ANKRD62: variants seen among roughly 807,000 people sequenced by gnomAD.
ANKRD62 encodes ankyrin repeat domain 62, also known as ankyrin repeat domain-containing protein 62.
ANKRD62 carries 61 observed loss-of-function variants against 98.8 expected under a neutral mutation model. The ratio of observed to expected loss-of-function variants is 0.62; its 90% confidence interval spans 0.50 to 0.76. The LOEUF (loss-of-function observed/expected upper bound fraction) is 0.76. Among genes scored for constraint, ANKRD62 ranks in the 30% least tolerant of loss-of-function variants. The pLI, the probability that ANKRD62 is intolerant of heterozygous loss-of-function variation, is 0.00. For missense variants in ANKRD62, 933 were observed against 1,082.9 expected (o/e 0.86, Z 1.94); for synonymous variants, 341 against 367.9 (o/e 0.93, Z 0.84).
chr18:12,094,245 A>G lies in ANKRD62; in HGVS notation c.218+10A>G, dbSNP rs1188719207. The G allele has an allele frequency of 7.9e-6, 12 of 1,518,452 alleles. No homozygotes were observed. Among genetic ancestry groups the G allele is most frequent in the Non-Finnish European group, 1.1e-5 (12 of 1,142,482 alleles). 94.1% of individuals were successfully genotyped at this position (1,518,452 alleles called of 1,614,324 possible). On this transcript the variant is annotated intron_variant, in intron 1 of 13. Transcript: ENST00000587848. ...GGGACAAGAAGAACAGGTAAGGGGAACAGGAAGCCGGGAGGAGGCCTGGGG... is the reference window on the plus strand; with the variant it reads ...GGGACAAGAAGAACAGGTAAGGGGAGCAGGAAGCCGGGAGGAGGCCTGGGG...
chr18:12,133,593 T>A (rs1241086922), downstream of ANKRD62, among the ~76,000 whole-genome samples: 2 of 152,198 alleles, frequency 1.3e-5, no homozygotes, highest in Non-Finnish European at 2.9e-5. Context: ...TGTGAAGTGG[T>A]ACCTCATTGT....
the ANKRD62 span, among the ~76,000 whole-genome samples, chr18:12,173,251 T>C: frequency 1.3e-5 from 2 of 152,222 alleles, no homozygotes; most frequent in Non-Finnish European, 2.9e-5. Flanking sequence ...GCCAACAATG[T>C]CTTTTTGTCC....
Position 12,122,292 on chromosome 18 carries a change from C to G in ANKRD62, c.1241-11C>G. The G allele has an allele frequency of 1.3e-6, 2 of 1,526,220 alleles. No individual in the cohort carries two copies. The highest frequency in any genetic ancestry group is 1.7e-6 in the Non-Finnish European group (2 of 1,143,924). The allele number at this position is 1,526,220 out of a possible 1,614,324, so 94.5% of individuals were successfully genotyped here. Reference sequence around the variant, plus strand: ...GTATTTTATCTCTATTTTGTCTTCTCCTGGTAACAGATTTTGTTAGCCTAT... The same window carrying G: ...GTATTTTATCTCTATTTTGTCTTCTGCTGGTAACAGATTTTGTTAGCCTAT... On this transcript the variant is annotated splice_polypyrimidine_tract_variant and intron_variant, in intron 10 of 13. Transcript: ENST00000587848.
At chr18:12,153,994 A>G in the ANKRD62 span, among the ~76,000 whole-genome samples, 1 of 152,252 alleles carries the variant, frequency 6.6e-6, no homozygotes, top group Non-Finnish European at 1.5e-5. Context: ...ACCAAAAACT[A>G]TAAAAATCCC....
At chr18:12,122,226 T>C in intron 10 of ANKRD62, 77 bp from the exon 11 acceptor site, 3 of 1,071,382 alleles carry the variant, frequency 2.8e-6, no homozygotes, top group Non-Finnish European at 4.0e-6. Flanking sequence ...ATGAGTGCCA[T>C]GTTGAAATGC....
chr18:12,115,539 G>T lies in ANKRD62; in HGVS notation c.1240+5G>T. ...AAAGTGGAATGGAGTGTAAAGGTAG[G>T]ACCAATGCATAAATATAAGGCTCTT... is the stretch of plus-strand genomic sequence containing the variant. On this transcript the variant is annotated splice_donor_5th_base_variant and intron_variant, in intron 10 of 13. Transcript: ENST00000587848. 6.5e-7 allele frequency: 1 copy of T among 1,532,136 alleles called. No individual in the cohort carries two copies. The highest frequency in any genetic ancestry group is 2.5e-5 in the East Asian group (1 of 40,740). The allele number at this position is 1,532,136 out of a possible 1,614,324, so 94.9% of individuals were successfully genotyped here.
intron 6 of ANKRD62, among the ~76,000 whole-genome samples, chr18:12,101,115 G>T (rs966353475): frequency 6.6e-6 from 1 of 152,046 alleles, no homozygotes; most frequent in African/African-American, 2.4e-5. Context: ...ATCATGATTT[G>T]CTATTCTTAA....
At position 12,112,794 on chromosome 18, in the gene ANKRD62, C is replaced by T. The variant is rs1055783052; in HGVS notation, c.1065-2294C>T. The stretch of plus-strand genomic sequence containing the variant: ...AACAGACGACCTCCACAAGGGAAGA[C>T]GTTTTGCAAACTATGCATCTGGCAA... On this transcript the variant is annotated intron_variant, in intron 8 of 13. Coordinates refer to ENST00000587848, the MANE Select transcript of ANKRD62 (RefSeq NM_001277333.2). 3.3e-5 allele frequency among the ~76,000 whole-genome samples: 5 copies of T among 152,194 alleles called. No individual in the cohort carries two copies. In the South Asian group the frequency reaches 6.2e-4, roughly 19 times the overall value.
rs1909437319 is a variant in ANKRD62, at chr18:12,107,377, A to G, written c.974A>G (p.Asn325Ser). ...NVHADDSDNY[N>S]DDVDELIHKI... ...CATGCTGATGACAGTGACAATTATAATGATGATGTTGATGAATTAATTCAC... is the reference window on the plus strand; with the variant it reads ...CATGCTGATGACAGTGACAATTATAGTGATGATGTTGATGAATTAATTCAC... Residue 325 changes from asparagine to serine, a missense_variant, in exon 8 of 14, where the codon AAT becomes AGT. By Grantham distance (46) the Asn-to-Ser change is conservative (BLOSUM62 1). Transcript: ENST00000587848. 6.6e-7 allele frequency: 1 copy of G among 1,526,324 alleles called. No individual in the cohort carries two copies. The highest frequency in any genetic ancestry group is 8.8e-7 in the Non-Finnish European group (1 of 1,142,454). 94.5% of individuals were successfully genotyped at this position (1,526,324 alleles called of 1,614,324 possible). A position where few individuals can be genotyped will look rare whatever the true frequency, so the allele number is the denominator to read the frequency against.
chr18:12,102,501 C>A, intron 6 of ANKRD62: 1 of 390,342 alleles, frequency 2.6e-6, no homozygotes, highest in South Asian at 2.4e-5. Context: ...GGTCATCCAC[C>A]AACCCCCACT....
chr18:12,118,185 A>G (rs1402242403), intron 10 of ANKRD62, among the ~76,000 whole-genome samples: 2 of 152,180 alleles, frequency 1.3e-5, no homozygotes, highest in East Asian at 1.9e-4. Flanking sequence ...TCACCTCCCT[A>G]AAAATCCTCA....
the ANKRD62 span, among the ~76,000 whole-genome samples, chr18:12,137,361 C>G: frequency 6.6e-6 from 1 of 152,116 alleles, no homozygotes. Context: ...TATTGATTTT[C>G]ATATGTTGAA....
chr18:12,168,163 C>T, the ANKRD62 span, among the ~76,000 whole-genome samples: 4 of 152,148 alleles, frequency 2.6e-5, no homozygotes, highest in African/African-American at 9.7e-5. Context: ...TCAATTTTGG[C>T]TTTTGTTGCC....
intron 8 of ANKRD62, among the ~76,000 whole-genome samples, chr18:12,108,597 C>A (rs1272724641): frequency 6.6e-6 from 1 of 152,160 alleles, no homozygotes; most frequent in Non-Finnish European, 1.5e-5. Context: ...ATGTCCTTTT[C>A]ACATTTCAAA....
intron 10 of ANKRD62, among the ~76,000 whole-genome samples, chr18:12,116,866 A>G (rs1002250572): frequency 6.6e-6 from 1 of 152,202 alleles, no homozygotes; most frequent in Admixed American, 6.5e-5. Flanking sequence ...ACTTCTTAAC[A>G]ATAATGAATC....
At chr18:12,137,914 C>A in the ANKRD62 span, among the ~76,000 whole-genome samples, 1 of 151,984 alleles carries the variant, frequency 6.6e-6, no homozygotes, top group African/African-American at 2.4e-5. Flanking sequence ...TTTTTTATTG[C>A]ATCTATTTGA....
the ANKRD62 span, among the ~76,000 whole-genome samples, chr18:12,161,777 A>C: frequency 6.6e-6 from 1 of 152,078 alleles, no homozygotes; most frequent in Non-Finnish European, 1.5e-5. Flanking sequence ...GAGAACATCA[A>C]TGTTTTTCTT....
chr18:12,166,418 G>A, the ANKRD62 span, among the ~76,000 whole-genome samples: 3 of 151,912 alleles, frequency 2.0e-5, no homozygotes, highest in Non-Finnish European at 4.4e-5. Flanking sequence ...GCTATTAAGA[G>A]ACTCTTATAC....
At chr18:12,115,346 T>C in intron 9 of ANKRD62, 47 bp from the exon 10 acceptor site, 1 of 1,479,026 alleles carries the variant, frequency 6.8e-7, no homozygotes, top group Non-Finnish European at 9.0e-7. Flanking sequence ...TAGTATATGC[T>C]ATAAATATTT....
Sources: gnomAD v4.1 joint callset for allele counts (sites outside exome capture counted in the v4.1 genomes callset) on GRCh38, gnomAD v4.1.1 for gene constraint, MANE v1.5 for transcripts, NCBI Gene and HGNC (gene_info 2026-07-23, HGNC 2026-07-21) for gene names.